TAFA4: variants seen among roughly 807,000 people sequenced by gnomAD.
TAFA4 encodes the protein chemokine-like protein TAFA-4.
In TAFA4, 20 loss-of-function variants were observed where a neutral mutation model predicts 21.1. The observed-to-expected ratio is 0.95, with a 90% CI of 0.67 to 1.38. The LOEUF is 1.38. Among genes scored for constraint, TAFA4 ranks in the 40% most tolerant of loss-of-function variants. The probability of loss-of-function intolerance (pLI) is 0.00; values close to 1 mark genes in which losing one functional copy is unlikely to be tolerated. For missense variants in TAFA4, 211 were observed against 180.9 expected (o/e 1.17, Z -0.95); for synonymous variants, 71 against 67.4 (o/e 1.05, Z -0.26).
chr3:68,772,157 A>AT (rs1336676170), intron 3 of TAFA4, among the ~76,000 whole-genome samples: 1 of 152,220 alleles, frequency 6.6e-6, no homozygotes, highest in Non-Finnish European at 1.5e-5. Flanking sequence ...TGGAATTCAG[A>AT]TTTTCAATCC....
intron 1 of TAFA4, among the ~76,000 whole-genome samples, chr3:68,915,608 G>A (rs997070468): frequency 1.3e-5 from 2 of 152,148 alleles, no homozygotes; most frequent in Admixed American, 1.3e-4. Context: ...CTTTCAATAG[G>A]CTTCAGAATT....
intron 3 of TAFA4, among the ~76,000 whole-genome samples, chr3:68,785,180 T>G (rs560700743): frequency 1.3e-5 from 2 of 152,346 alleles, no homozygotes; most frequent in East Asian, 3.9e-4. Context: ...CCGATTGATG[T>G]ATTTACAATC....
rs1038169394 is a variant in TAFA4, at chr3:68,842,556, G to A, written c.130+38174C>T. On this transcript the variant is annotated intron_variant, in intron 3 of 5. Coordinates refer to ENST00000295569, the MANE Select transcript of TAFA4 (RefSeq NM_182522.5). ...GAAGCTTTTTAGTTTATTTAGATCC[G>A]ATTTGTCAATTTTGGCTTTTGTTGC... Among the ~76,000 whole-genome samples the A allele has an allele frequency of 5.9e-5, 9 of 152,000 alleles. No individual in the cohort carries two copies. In the South Asian group the frequency reaches 8.3e-4, roughly 14 times the overall value.
At chr3:68,845,244 G>A (rs958408677) in intron 3 of TAFA4, among the ~76,000 whole-genome samples, 8 of 152,066 alleles carry the variant, frequency 5.3e-5, no homozygotes, top group African/African-American at 1.9e-4. Flanking sequence ...TTGTTGCATT[G>A]ATCCCTTTAC....
In TAFA4 at chr3:68,732,721, C is replaced by T. The variant is rs1018152482; in HGVS notation, c.*421G>A. 17 of 162,490 alleles carry T rather than the reference C, an allele frequency of 1.0e-4. No individual in the cohort carries two copies. The highest frequency in any genetic ancestry group is 2.0e-4 in the Non-Finnish European group (15 of 75,260). 10.1% of individuals were successfully genotyped at this position (162,490 alleles called of 1,614,324 possible). A position where few individuals can be genotyped will look rare whatever the true frequency, so the allele number is the denominator to read the frequency against. ...AAAATCTTTTTAGACCCCTTTAAAA[C>T]CACTTTAATACAAGGACAAAAGGAA... On this transcript the variant is annotated 3_prime_UTR_variant, in exon 6 of 6. Coordinates refer to ENST00000295569, the MANE Select transcript of TAFA4 (RefSeq NM_182522.5).
intron 3 of TAFA4, among the ~76,000 whole-genome samples, chr3:68,803,796 T>TG (rs1703626257): frequency 7.8e-6 from 1 of 128,786 alleles, no homozygotes; most frequent in Non-Finnish European, 1.6e-5. Flanking sequence ...CATCTCTGAT[T>TG]CTTTTTTTTT....
intron 3 of TAFA4, among the ~76,000 whole-genome samples, chr3:68,877,786 TCA>T (rs1027168141): frequency 5.9e-5 from 9 of 152,212 alleles, no homozygotes; most frequent in African/African-American, 1.9e-4. Flanking sequence ...CTACCCATGC[TCA>T]CAGTCTTCAG....
intron 3 of TAFA4, among the ~76,000 whole-genome samples, chr3:68,755,969 G>C (rs1048163206): frequency 1.3e-5 from 2 of 152,176 alleles, no homozygotes; most frequent in Admixed American, 1.3e-4. Context: ...GGACTACATA[G>C]CCAGGAGCTA....
At chr3:68,734,246 A>G (rs561287560) in intron 5 of TAFA4, among the ~76,000 whole-genome samples, 1 of 152,188 alleles carries the variant, frequency 6.6e-6, no homozygotes, top group Admixed American at 6.6e-5. Context: ...AAAATGTAAA[A>G]CCCAGTCTTA....
chr3:68,842,267 C>T (rs1054385736), intron 3 of TAFA4, among the ~76,000 whole-genome samples: 10 of 152,104 alleles, frequency 6.6e-5, no homozygotes, highest in South Asian at 4.1e-4. Context: ...TACCTCACTG[C>T]GGTTTTGATT....
At chr3:68,765,393 AAATAGGCTCCAGC>A (rs1384237250) in intron 3 of TAFA4, among the ~76,000 whole-genome samples, 1 of 152,160 alleles carries the variant, frequency 6.6e-6, no homozygotes, top group Admixed American at 6.5e-5. Context: ...GCCCTAAGTA[AAATAGGCTCCAGC>A]AATAAGCTGC....
intron 3 of TAFA4, among the ~76,000 whole-genome samples, chr3:68,852,698 C>A (rs566533535): frequency 9.2e-5 from 14 of 152,284 alleles, no homozygotes; most frequent in South Asian, 6.2e-4. Flanking sequence ...TGATCAATTT[C>A]TTTTCCAATT....
intron 3 of TAFA4, among the ~76,000 whole-genome samples, chr3:68,825,430 T>A (rs1043279650): frequency 6.6e-6 from 1 of 151,624 alleles, no homozygotes; most frequent in Non-Finnish European, 1.5e-5. Flanking sequence ...CCCAAAGGAA[T>A]ATAAATTATT....
At chr3:68,840,505 C>T (rs373043976) in intron 3 of TAFA4, among the ~76,000 whole-genome samples, 1 of 152,190 alleles carries the variant, frequency 6.6e-6, no homozygotes, top group Non-Finnish European at 1.5e-5. Context: ...GTGTGAGCCA[C>T]AATGCCCAGC....
chr3:68,868,452 C>A (rs1228580872), intron 3 of TAFA4, among the ~76,000 whole-genome samples: 1 of 152,028 alleles, frequency 6.6e-6, no homozygotes, highest in Non-Finnish European at 1.5e-5. Context: ...AATACACCTT[C>A]TTCTCATCAG....
chr3:68,897,510 C>T (rs2106976958), intron 1 of TAFA4, among the ~76,000 whole-genome samples: 1 of 151,882 alleles, frequency 6.6e-6, no homozygotes, highest in Non-Finnish European at 1.5e-5. Context: ...CCTGTAATCC[C>T]AGCTACTTGG....
At chr3:68,840,534 A>G (rs1351643745) in intron 3 of TAFA4, among the ~76,000 whole-genome samples, 1 of 152,186 alleles carries the variant, frequency 6.6e-6, no homozygotes, top group Non-Finnish European at 1.5e-5. Flanking sequence ...TAGTTTTAGA[A>G]AAATCATTTT....
chr3:68,739,169 T>G lies in TAFA4; in HGVS notation c.317A>C (p.His106Pro). The change falls in exon 5 of 6, where the codon CAC becomes CCC. Residue 106 changes from histidine to proline, a missense_variant. His to Pro is a moderately conservative substitution (Grantham distance 77). Transcript: ENST00000295569. Reference protein sequence around the residue: ...ASIVIQKWWCHMNPCLEGEDC... With the variant: ...ASIVIQKWWCPMNPCLEGEDC... Reference sequence around the variant, plus strand: ...CTCTCCTTCCAAACACGGATTCATGTGACACCACCATTTCTGAATCACAAT... The same window carrying G: ...CTCTCCTTCCAAACACGGATTCATGGGACACCACCATTTCTGAATCACAAT... The G allele has an allele frequency of 6.2e-7, 1 of 1,613,964 alleles. No homozygotes were observed. The highest frequency in any genetic ancestry group is 1.1e-5 in the South Asian group (1 of 91,064).
intron 3 of TAFA4, among the ~76,000 whole-genome samples, chr3:68,768,953 G>A (rs1275652763): frequency 6.6e-6 from 1 of 152,134 alleles, no homozygotes; most frequent in Non-Finnish European, 1.5e-5. Flanking sequence ...AGAAGGAGAT[G>A]GGGAAGAGAT....
Sources: gnomAD v4.1 joint callset for allele counts (sites outside exome capture counted in the v4.1 genomes callset) on GRCh38, gnomAD v4.1.1 for gene constraint, MANE v1.5 for transcripts, NCBI Gene and HGNC (gene_info 2026-07-23, HGNC 2026-07-21) for gene names.